PACRG: variants seen among roughly 807,000 people sequenced by gnomAD.
The protein encoded by PACRG is parkin coregulated gene protein.
PACRG carries 29 observed loss-of-function variants against 29.7 expected under a neutral mutation model. The observed-to-expected ratio is 0.98, with a 90% CI of 0.73 to 1.33. The LOEUF is 1.33. Ranked by LOEUF, PACRG falls within the 40% of genes most tolerant of loss-of-function variation. PACRG has a pLI of 0.00. For missense variants in PACRG, 279 were observed against 316.2 expected, an observed-to-expected ratio of 0.88 and a Z score of 0.89; for synonymous variants, 116 against 118.7, an observed-to-expected ratio of 0.98 and a Z score of 0.15.
chr6:162,775,836 G>T (rs1488485643), intron 1 of PACRG, among the ~76,000 whole-genome samples: 2 of 152,058 alleles, frequency 1.3e-5, no homozygotes, highest in Non-Finnish European at 2.9e-5. Flanking sequence ...AAATCACCTT[G>T]TCCACCCATT....
At chr6:162,911,337 T>C (rs563092977) in intron 2 of PACRG, among the ~76,000 whole-genome samples, 1 of 152,348 alleles carries the variant, frequency 6.6e-6, no homozygotes, top group East Asian at 1.9e-4. Flanking sequence ...TGTGAGATTT[T>C]CTTCTCTTCT....
At chr6:162,792,556 A>G (rs1785043530) in intron 1 of PACRG, among the ~76,000 whole-genome samples, 1 of 152,090 alleles carries the variant, frequency 6.6e-6, no homozygotes, top group Non-Finnish European at 1.5e-5. Context: ...GCACTGGTCC[A>G]ACTATCTACA....
intron 3 of PACRG, among the ~76,000 whole-genome samples, chr6:163,070,489 G>T (rs191228120): frequency 7.2e-5 from 11 of 152,054 alleles, no homozygotes; most frequent in Admixed American, 6.5e-4. Flanking sequence ...TTAAAATAAT[G>T]AGTTATGAGA....
Position 162,952,198 on chromosome 6 carries a change from CTCT to C in PACRG, c.292-109947_292-109945del, listed in dbSNP as rs374037339. On this transcript the variant is annotated intron_variant, in intron 2 of 4. Coordinates refer to ENST00000366888, the MANE Select transcript of PACRG (RefSeq NM_001080379.2). Reference sequence around the variant, plus strand: ...TTATTTATTTAGTTGCTAACCCAGTCTCTTCTTATAAGACAGTGCTAAAGGAAA... The same window carrying C: ...TTATTTATTTAGTTGCTAACCCAGTCTCTTATAAGACAGTGCTAAAGGAAA... Among the ~76,000 whole-genome samples, 16 of 152,250 alleles carry C rather than the reference CTCT, an allele frequency of 1.1e-4. No individual in the cohort carries two copies. In the East Asian group the frequency reaches 2.5e-3, roughly 24 times the overall value.
intron 2 of PACRG, among the ~76,000 whole-genome samples, chr6:163,048,817 G>T (rs898481778): frequency 6.6e-6 from 1 of 151,992 alleles, no homozygotes; most frequent in African/African-American, 2.4e-5. Flanking sequence ...TTAATGATTT[G>T]TTATTTTATT....
At chr6:163,197,610 AT>A (rs34159560) in intron 4 of PACRG, among the ~76,000 whole-genome samples, 51,411 of 147,018 alleles carry the variant, frequency 0.35, 9,040 homozygotes, top group East Asian at 0.48. Flanking sequence ...CGCCCGGCTA[AT>A]TTTTTTTTTT....
intron 4 of PACRG, among the ~76,000 whole-genome samples, chr6:163,241,318 C>T (rs1782498703): frequency 6.6e-6 from 1 of 152,074 alleles, no homozygotes; most frequent in African/African-American, 2.4e-5. Context: ...TTTTTCTCCT[C>T]AAGTCTTTAT....
intron 2 of PACRG, among the ~76,000 whole-genome samples, chr6:162,981,047 TCC>T (rs1247105847): frequency 1.3e-5 from 2 of 151,930 alleles, no homozygotes; most frequent in Non-Finnish European, 2.9e-5. Flanking sequence ...CTCCCAAACC[TCC>T]CACTGAGTCC....
intron 2 of PACRG, among the ~76,000 whole-genome samples, chr6:162,828,311 C>T (rs2128388199): frequency 6.6e-6 from 1 of 152,246 alleles, no homozygotes; most frequent in East Asian, 1.9e-4. Context: ...TTGCTGATTG[C>T]TGAAGAAAAG....
At chr6:162,796,707 C>CA (rs35582026) in intron 1 of PACRG, among the ~76,000 whole-genome samples, 15,627 of 141,760 alleles carry the variant, frequency 0.11, 923 homozygotes, top group Middle Eastern at 0.17. Context: ...ATAGATGAAG[C>CA]AAAAAAAAAA....
chr6:162,851,707 T>C (rs1790874218), intron 2 of PACRG, among the ~76,000 whole-genome samples: 1 of 152,104 alleles, frequency 6.6e-6, no homozygotes, highest in Non-Finnish European at 1.5e-5. Context: ...CTCAGAATGT[T>C]TTCCTAATGT....
At chr6:162,936,179 GA>G in intron 2 of PACRG, among the ~76,000 whole-genome samples, 1 of 152,136 alleles carries the variant, frequency 6.6e-6, no homozygotes, top group East Asian at 1.9e-4. Context: ...TCACTACCAT[GA>G]AAACAGTATG....
chr6:162,759,640 C>T (rs1035429296), intron 1 of PACRG, among the ~76,000 whole-genome samples: 1 of 152,054 alleles, frequency 6.6e-6, no homozygotes, highest in Non-Finnish European at 1.5e-5. Context: ...TCTGAATATA[C>T]TTTGGGGTAC....
intron 4 of PACRG, among the ~76,000 whole-genome samples, chr6:163,206,396 C>T (rs1780903488): frequency 1.3e-5 from 2 of 152,126 alleles, no homozygotes; most frequent in South Asian, 4.1e-4. Flanking sequence ...AGAATGGGAT[C>T]ATGGCTTTTG....
intron 4 of PACRG, among the ~76,000 whole-genome samples, chr6:163,161,284 G>A (rs560990116): frequency 8.5e-5 from 13 of 152,152 alleles, no homozygotes; most frequent in African/African-American, 2.4e-4. Flanking sequence ...TATCCCCACC[G>A]AGATGTGCCT....
chr6:162,768,944 C>G (rs1310664147), intron 1 of PACRG, among the ~76,000 whole-genome samples: 1 of 152,186 alleles, frequency 6.6e-6, no homozygotes, highest in Non-Finnish European at 1.5e-5. Flanking sequence ...TAAACACTTC[C>G]TGTTTGTATA....
intron 4 of PACRG, among the ~76,000 whole-genome samples, chr6:163,133,438 C>T (rs919502843): frequency 6.6e-6 from 1 of 152,180 alleles, no homozygotes; most frequent in Non-Finnish European, 1.5e-5. Flanking sequence ...GTATAATCCC[C>T]AAGCAAAAGA....
intron 4 of PACRG, among the ~76,000 whole-genome samples, chr6:163,195,683 A>AC (rs1243583712): frequency 6.6e-6 from 1 of 151,332 alleles, no homozygotes; most frequent in South Asian, 2.1e-4. Context: ...AGGCCGCCCG[A>AC]CCCCCCTCTC....
intron 4 of PACRG, among the ~76,000 whole-genome samples, chr6:163,276,576 C>T (rs984964608): frequency 7.9e-5 from 12 of 152,058 alleles, no homozygotes; most frequent in African/African-American, 2.9e-4. Flanking sequence ...TGTGGGTTGC[C>T]GTGGTCGGAA....
Sources: allele counts gnomAD v4.1 joint callset (sites outside exome capture counted in the v4.1 genomes callset), GRCh38; gene constraint gnomAD v4.1.1; transcripts MANE v1.5; gene names NCBI Gene and HGNC (gene_info 2026-07-23, HGNC 2026-07-21).